PTPRN2: variants seen among roughly 807,000 people sequenced by gnomAD.
PTPRN2 encodes receptor-type tyrosine-protein phosphatase N2.
In PTPRN2, 74 loss-of-function variants were observed where a neutral mutation model predicts 118.8. The ratio of observed to expected loss-of-function variants is 0.62; its 90% CI spans 0.52 to 0.76. The LOEUF (loss-of-function observed/expected upper bound fraction) is 0.76, where lower values mean the gene tolerates loss of function less well. Ranked by LOEUF, PTPRN2 falls within the 30% of genes least tolerant of loss-of-function variation. The probability of loss-of-function intolerance (pLI) is 0.00; values close to 1 mark genes in which losing one functional copy is unlikely to be tolerated. For missense variants in PTPRN2, 1,481 were observed against 1,394.4 expected (o/e 1.06, Z -0.99); for synonymous variants, 641 against 608.0 (o/e 1.05, Z -0.80).
Position 158,529,124 on chromosome 7 carries a change from A to G in PTPRN2, c.113-39339T>C, listed in dbSNP as rs1825023815. On this transcript the variant is annotated intron_variant, in intron 1 of 22. Coordinates refer to ENST00000389418, the MANE Select transcript of PTPRN2 (RefSeq NM_002847.5). This position sits in a 1 kb window ranked among gnomAD's most constrained non-coding sequence, Gnocchi z 4.7. ...ATCCCCTTCTCAGACAGGCAGACAG[A>G]CAATAATAACAATGATGCCTGGGAC... Among the ~76,000 whole-genome samples, 1 of 152,210 alleles carries G rather than the reference A, an allele frequency of 6.6e-6. No homozygotes were observed. Among genetic ancestry groups the G allele is most frequent in the South Asian group, 2.1e-4 (1 of 4,828 alleles).
intron 1 of PTPRN2, among the ~76,000 whole-genome samples, chr7:158,497,296 G>T (rs1822023616): frequency 2.0e-5 from 3 of 146,572 alleles, no homozygotes; most frequent in African/African-American, 7.6e-5. Flanking sequence ...TTGGCCAGGT[G>T]ACCCAGCCCC....
At chr7:157,559,453 G>A (rs1024085653) in intron 21 of PTPRN2, among the ~76,000 whole-genome samples, 1 of 152,202 alleles carries the variant, frequency 6.6e-6, no homozygotes, top group African/African-American at 2.4e-5. Flanking sequence ...AGAGGAATGA[G>A]GGAAGGACAG....
At chr7:157,649,054 C>T (rs1164712302) in intron 14 of PTPRN2, among the ~76,000 whole-genome samples, 13 of 106,914 alleles carry the variant, frequency 1.2e-4, no homozygotes, top group Admixed American at 5.2e-4. Context: ...ACCCATCCAG[C>T]GTGCACTGAA....
intron 9 of PTPRN2, among the ~76,000 whole-genome samples, chr7:158,118,234 G>A (rs1816883447): frequency 6.6e-6 from 1 of 152,120 alleles, no homozygotes; most frequent in Non-Finnish European, 1.5e-5. Context: ...GTATAAGGAT[G>A]CAATTTTGTG....
rs917218192 is a variant in PTPRN2 at position 158,215,321 on chromosome 7, A to T, written c.278-10048T>A. On this transcript the variant is annotated intron_variant, in intron 3 of 22. Coordinates refer to ENST00000389418, the MANE Select transcript of PTPRN2 (RefSeq NM_002847.5). ...CAGTAGGAATTACTCAATGTCAACA[A>T]CACAGAGAAAATAGTAGAAAAACAT... Among the ~76,000 whole-genome samples, 3 of 152,200 alleles carry T rather than the reference A, an allele frequency of 2.0e-5. No individual in the cohort carries two copies. The East Asian group carries it at 5.8e-4, about 29-fold the overall frequency.
At position 157,731,058 on chromosome 7, in the gene PTPRN2, C is replaced by A. The variant is rs186583484; in HGVS notation, c.1789-48121G>T. Among the ~76,000 whole-genome samples, 11 of 152,298 alleles carry A rather than the reference C, an allele frequency of 7.2e-5. No individual in the cohort carries two copies. The East Asian group carries it at 2.1e-3, about 29-fold the overall frequency. On this transcript the variant is annotated intron_variant, in intron 12 of 22. Transcript: ENST00000389418. ...CCAGCCCTGGACGAGGGGGTCCTGT[C>A]TCATTCAAGTAAACCCCCTGCAGTT...
chr7:158,093,702 C>A lies in PTPRN2; in HGVS notation c.1644-12325G>T, dbSNP rs1029346982. The stretch of plus-strand genomic sequence containing the variant: ...ACGTGGATAGCATAATGCATACCTA[C>A]TTTCCTTACACACACTTTTAATTTT... On this transcript the variant is annotated intron_variant, in intron 10 of 22. Transcript: ENST00000389418. This position sits in a 1 kb window ranked among gnomAD's most constrained non-coding sequence, Gnocchi z 4.4. Among the ~76,000 whole-genome samples the A allele has an allele frequency of 6.6e-6, 1 of 152,220 alleles. No homozygotes were observed. Among genetic ancestry groups the A allele is most frequent in the African/African-American group, 2.4e-5 (1 of 41,458 alleles).
At chr7:158,365,657 G>GCACACA (rs1408191935) in intron 2 of PTPRN2, among the ~76,000 whole-genome samples, 2 of 138,552 alleles carry the variant, frequency 1.4e-5, no homozygotes, top group Non-Finnish European at 3.0e-5. Flanking sequence ...CAATGCACAC[G>GCACACA]CACACACACA....
intron 11 of PTPRN2, among the ~76,000 whole-genome samples, chr7:158,026,582 A>C (rs1195062635): frequency 6.6e-6 from 1 of 152,176 alleles, no homozygotes; most frequent in Non-Finnish European, 1.5e-5. Flanking sequence ...TCATACACTA[A>C]AACAACTTTT....
chr7:158,064,926 C>T (rs1438134318), intron 11 of PTPRN2, among the ~76,000 whole-genome samples: 1 of 152,172 alleles, frequency 6.6e-6, no homozygotes, highest in East Asian at 1.9e-4. Flanking sequence ...GGATGCTTCA[C>T]CTGCTTCCAA....
chr7:158,440,131 AAC>A (rs1816878649), intron 2 of PTPRN2, among the ~76,000 whole-genome samples: 3 of 152,338 alleles, frequency 2.0e-5, no homozygotes, highest in Admixed American at 2.0e-4. Flanking sequence ...CAGTTGCAAC[AAC>A]AGATGGTGTG....
At chr7:158,218,263 C>T (rs1169692011) in intron 3 of PTPRN2, among the ~76,000 whole-genome samples, 1 of 152,058 alleles carries the variant, frequency 6.6e-6, no homozygotes, top group Non-Finnish European at 1.5e-5. Flanking sequence ...GCTTACAAGC[C>T]AGAAGAGACT....
chr7:158,115,124 A>G (rs1816627095), intron 9 of PTPRN2, among the ~76,000 whole-genome samples: 1 of 152,138 alleles, frequency 6.6e-6, no homozygotes, highest in Non-Finnish European at 1.5e-5. Context: ...CTATGATTGC[A>G]CCTGTGAATA....
At chr7:157,573,507 C>T (rs1376981832) in intron 19 of PTPRN2, among the ~76,000 whole-genome samples, 1 of 152,202 alleles carries the variant, frequency 6.6e-6, no homozygotes, top group Non-Finnish European at 1.5e-5. Flanking sequence ...ATTTTTTCCT[C>T]ATGAGACCAA....
chr7:157,934,212 T>C (rs55656031), intron 11 of PTPRN2, among the ~76,000 whole-genome samples: 22,869 of 152,250 alleles, frequency 0.15, 2,050 homozygotes, highest in Non-Finnish European at 0.2. Context: ...TGCTGTTTTC[T>C]TCTGATCCTA....
chr7:158,002,837 C>T (rs952002237), intron 11 of PTPRN2, among the ~76,000 whole-genome samples: 3 of 152,198 alleles, frequency 2.0e-5, no homozygotes, highest in Non-Finnish European at 2.9e-5. Context: ...CAACAAGCCC[C>T]GTGAGGTGGG....
At chr7:157,890,698 C>T (rs998253037) in intron 12 of PTPRN2, among the ~76,000 whole-genome samples, 1 of 152,170 alleles carries the variant, frequency 6.6e-6, no homozygotes, top group African/African-American at 2.4e-5. Context: ...GGAACATCTA[C>T]GGATTTCTCA....
chr7:158,367,143 TCTC>T (rs1809599607), intron 2 of PTPRN2, among the ~76,000 whole-genome samples: 1 of 152,080 alleles, frequency 6.6e-6, no homozygotes. Context: ...AGAGCTGACT[TCTC>T]CTCGGTCAAC....
chr7:157,610,070 T>C lies in PTPRN2; in HGVS notation c.2345-5995A>G, dbSNP rs981351887. ...GCTACACAGATCCCTGAGGACGGCA[T>C]TCCCCCAGGCCTCCTGGCTTGCTGT... is the stretch of plus-strand genomic sequence containing the variant. On this transcript the variant is annotated intron_variant, in intron 15 of 22. Coordinates refer to ENST00000389418, the MANE Select transcript of PTPRN2 (RefSeq NM_002847.5). The surrounding 1 kb of genome is among the most constrained non-coding windows in gnomAD (Gnocchi z 5.1). Among the ~76,000 whole-genome samples the C allele has an allele frequency of 2.0e-5, 3 of 152,212 alleles. No homozygotes were observed. Among genetic ancestry groups the C allele is most frequent in the Non-Finnish European group, 4.4e-5 (3 of 68,038 alleles).
Sources: gnomAD v4.1 joint callset for allele counts (sites outside exome capture counted in the v4.1 genomes callset) on GRCh38, gnomAD v4.1.1 for gene constraint, Gnocchi (gnomAD v3.1) non-coding constraint, MANE v1.5 for transcripts, NCBI Gene and HGNC (gene_info 2026-07-23, HGNC 2026-07-21) for gene names.